The following IRAG2 variants were observed in gnomAD, a reference collection of about 807,000 sequenced individuals.
IRAG2 encodes lymphoid restricted membrane protein.
A neutral mutation model predicts 69.9 loss-of-function variants in IRAG2; 45 were observed. That is an observed-to-expected ratio of 0.64 (90% CI 0.51 to 0.83). The LOEUF is 0.83. IRAG2 is among the 40% of genes least tolerant of loss of function. The probability of loss-of-function intolerance (pLI) is 0.00; values close to 1 mark genes in which losing one functional copy is unlikely to be tolerated. For synonymous variants in IRAG2, 193 were observed against 202.4 expected, an observed-to-expected ratio of 0.95 and a Z score of 0.40; for missense variants, 520 against 587.0, an observed-to-expected ratio of 0.89 and a Z score of 1.18.
At chr12:25,039,531 G>C (rs1416563793) in intron 16 of IRAG2, among the ~76,000 whole-genome samples, 1 of 152,122 alleles carries the variant, frequency 6.6e-6, no homozygotes, top group Admixed American at 6.5e-5. Flanking sequence ...CCCGGGTTCA[G>C]GCCATTCTCC....
chr12:25,053,028 T>C (rs1424135571), intron 1 of IRAG2, 72 bp downstream of exon 1: 4 of 397,772 alleles, frequency 1.0e-5, no homozygotes, highest in Non-Finnish European at 4.4e-6. Flanking sequence ...TACAGACATT[T>C]TTCTAGATTA....
At chr12:25,107,716 G>A in intron 21 of IRAG2, 101 bp from the exon 22 acceptor site, 1 of 1,121,654 alleles carries the variant, frequency 8.9e-7, no homozygotes, top group Non-Finnish European at 1.3e-6. Context: ...GGCAGTTTTG[G>A]GGGTATGAAG....
intron 2 of IRAG2, 143 bp from the exon 3 acceptor site, chr12:25,062,677 C>G (rs1945707385): frequency 5.1e-6 from 2 of 393,476 alleles, no homozygotes. Context: ...AAATGTGTTC[C>G]CTTGGAGTAG....
At chr12:25,034,270 T>C (rs909686577) in intron 13 of IRAG2, among the ~76,000 whole-genome samples, 5 of 152,226 alleles carry the variant, frequency 3.3e-5, no homozygotes, top group Admixed American at 6.5e-5. Flanking sequence ...TAGCAGTAGA[T>C]ATCCATGAGT....
intron 14 of IRAG2, 49 bp from the exon 15 acceptor site, chr12:25,096,861 C>G: frequency 6.6e-7 from 1 of 1,515,214 alleles, no homozygotes. Context: ...TAGAATCACT[C>G]GCTGAATGCT....
chr12:25,017,483 C>G (rs1331823741), intron 6 of IRAG2, among the ~76,000 whole-genome samples: 1 of 151,784 alleles, frequency 6.6e-6, no homozygotes, highest in Middle Eastern at 3.2e-3. Context: ...TTTGGGAGAC[C>G]AAGGCAAGTG....
chr12:25,003,237 TA>T (rs1306486186), upstream of IRAG2, among the ~76,000 whole-genome samples: 1 of 152,240 alleles, frequency 6.6e-6, no homozygotes, highest in African/African-American at 2.4e-5. Flanking sequence ...GTTAATGTCC[TA>T]AAAAATCATA....
chr12:25,000,171 T>C (rs1355441032), upstream of IRAG2, among the ~76,000 whole-genome samples: 1 of 152,198 alleles, frequency 6.6e-6, no homozygotes, highest in African/African-American at 2.4e-5. Context: ...ATATATTAGA[T>C]ACATTGGCTC....
At chr12:25,052,204 CTTT>C (rs10690368), upstream of IRAG2, 4,653 of 273,328 alleles carry the variant, frequency 0.017, no homozygotes, top group East Asian at 0.029. Flanking sequence ...GCGGTTTGGA[CTTT>C]TTTTTTTTTT....
Position 25,104,428 on chromosome 12 carries a change from T to G in IRAG2, c.1114T>G (p.Trp372Gly). The change falls in exon 20 of 22, where the codon TGG becomes GGG. Residue 372 changes from tryptophan (W) to glycine (G), a missense_variant. Transcript: ENST00000556887. Reference sequence around the variant, plus strand: ...ACCTCGATTTATTAGCACCTATTCCTGGGCAGATGCTGAAGAAGAAAAATG... The same window carrying G: ...ACCTCGATTTATTAGCACCTATTCCGGGGCAGATGCTGAAGAAGAAAAATG... Reference protein sequence around the residue: ...SLPRFISTYSWADAEEEKCEL... With the variant: ...SLPRFISTYSGADAEEEKCEL... The G allele has an allele frequency of 6.2e-7, 1 of 1,613,056 alleles. No homozygotes were observed. Among genetic ancestry groups the G allele is most frequent in the Non-Finnish European group, 8.5e-7 (1 of 1,179,070 alleles).
Position 25,069,427 on chromosome 12 carries a change from TG to T in IRAG2, c.22del (p.Glu8LysfsTer35). On this transcript the variant is annotated frameshift_variant, in exon 6 of 22. Transcript: ENST00000556887. LOFTEE classifies it high-confidence loss of function. MNDDPSMEENGVERVCP... is the reference protein window; with the variant it reads MNDDPSXEENGVERVCP... ...ATCAGGATGAATGATGACCCAAGTA[TG>T]GAAGTGAGTGTTGGACTGGATTTTG... is the stretch of plus-strand genomic sequence containing the variant. 3 of 1,614,054 alleles carry T rather than the reference TG, an allele frequency of 1.9e-6. No individual in the cohort carries two copies. The highest frequency in any genetic ancestry group is 2.5e-6 in the Non-Finnish European group (3 of 1,179,888).
intron 4 of IRAG2, among the ~76,000 whole-genome samples, chr12:25,066,046 C>T (rs1000165330): frequency 3.3e-5 from 5 of 152,108 alleles, no homozygotes; most frequent in South Asian, 2.1e-4. Context: ...TCTCTAGTTG[C>T]TTAGTGGGCA....
chr12:25,061,936 A>G (rs2139972406), intron 2 of IRAG2, among the ~76,000 whole-genome samples: 1 of 152,336 alleles, frequency 6.6e-6, no homozygotes, highest in Middle Eastern at 3.4e-3. Context: ...GCGAACAGCC[A>G]GTTTTTCAGT....
intron 13 of IRAG2, 125 bp downstream of exon 13, chr12:25,089,915 T>G: frequency 7.8e-7 from 1 of 1,287,002 alleles, no homozygotes. Flanking sequence ...TGTGACTCAG[T>G]GCAGGTGAAC....
At chr12:25,004,205 A>G, upstream of IRAG2, 2 of 576,752 alleles carry the variant, frequency 3.5e-6, no homozygotes, top group African/African-American at 1.9e-5. Flanking sequence ...GCATCTTGTC[A>G]TGATCCCGCC....
chr12:25,006,709 TG>T (rs979122226), intron 2 of IRAG2, among the ~76,000 whole-genome samples: 1 of 152,120 alleles, frequency 6.6e-6, no homozygotes, highest in Non-Finnish European at 1.5e-5. Context: ...ACAATAGGTA[TG>T]GGGACTACTT....
At chr12:25,036,824 G>A (rs1328450747) in intron 15 of IRAG2, 2 of 394,388 alleles carry the variant, frequency 5.1e-6, no homozygotes, top group African/African-American at 4.1e-5. Flanking sequence ...TAGACTGTGT[G>A]TCCAGGGGTG....
intron 6 of IRAG2, among the ~76,000 whole-genome samples, chr12:25,077,736 T>C (rs968836568): frequency 6.6e-6 from 1 of 152,108 alleles, no homozygotes; most frequent in Non-Finnish European, 1.5e-5. Flanking sequence ...GAAAGTTTGT[T>C]GAATTAAATT....
intron 10 of IRAG2, among the ~76,000 whole-genome samples, chr12:25,085,021 G>A (rs1029495205): frequency 6.6e-6 from 1 of 152,250 alleles, no homozygotes; most frequent in African/African-American, 2.4e-5. Flanking sequence ...CAGGGCAAGC[G>A]CTTTTGGGCT....
Sources: gnomAD v4.1 joint callset for allele counts (sites outside exome capture counted in the v4.1 genomes callset) on GRCh38, gnomAD v4.1.1 for gene constraint, MANE v1.5 for transcripts, NCBI Gene and HGNC (gene_info 2026-07-23, HGNC 2026-07-21) for gene names.